FBXO4: variants seen among roughly 807,000 people sequenced by gnomAD.
FBXO4 encodes the protein F-box protein 4.
FBXO4 carries 36 observed loss-of-function variants against 43.7 expected under a neutral mutation model. The ratio of observed to expected loss-of-function variants is 0.82; its 90% confidence interval spans 0.63 to 1.09. The LOEUF (loss-of-function observed/expected upper bound fraction) is 1.09, where lower values mean the gene tolerates loss of function less well. Among genes scored for constraint, FBXO4 ranks in the 50% least tolerant of loss-of-function variants. The pLI, the probability that FBXO4 is intolerant of heterozygous loss-of-function variation, is 0.00. For missense variants in FBXO4, 435 were observed against 474.1 expected (o/e 0.92, Z 0.77); for synonymous variants, 180 against 165.6 (o/e 1.09, Z -0.67).
the FBXO4 span, among the ~76,000 whole-genome samples, chr5:41,999,481 A>ATATATATATATGTG: frequency 0.021 from 222 of 10,396 alleles, 4 homozygotes; most frequent in African/African-American, 0.04. Flanking sequence ...ATATATACAC[A>ATATATATATATGTG]TATATATATA....
chr5:41,931,124 G>T (rs1751675675), intron 3 of FBXO4, among the ~76,000 whole-genome samples: 1 of 152,196 alleles, frequency 6.6e-6, no homozygotes, highest in Non-Finnish European at 1.5e-5. Context: ...GATCAAGGTT[G>T]CATGTTAGAA....
the FBXO4 span, among the ~76,000 whole-genome samples, chr5:42,013,424 C>A: frequency 2.6e-5 from 4 of 152,086 alleles, no homozygotes; most frequent in Non-Finnish European, 4.4e-5. Context: ...ATTAAAGTAC[C>A]ACTCAAATGG....
the FBXO4 span, among the ~76,000 whole-genome samples, chr5:42,010,492 T>C: frequency 7.3e-5 from 11 of 150,118 alleles, no homozygotes; most frequent in African/African-American, 2.7e-4. Context: ...TGGGTGACAG[T>C]GTGAGCCTCC....
chr5:42,003,421 T>C, the FBXO4 span, among the ~76,000 whole-genome samples: 2 of 152,144 alleles, frequency 1.3e-5, no homozygotes, highest in African/African-American at 4.8e-5. Context: ...GAAGAGGAAT[T>C]GAATGTTGGC....
the FBXO4 span, among the ~76,000 whole-genome samples, chr5:42,036,350 G>T: frequency 1.3e-5 from 2 of 151,982 alleles, no homozygotes; most frequent in African/African-American, 4.8e-5. Flanking sequence ...AAAAAAAATG[G>T]CTTACATAGG....
the FBXO4 span, among the ~76,000 whole-genome samples, chr5:41,985,810 A>G: frequency 6.6e-6 from 1 of 152,118 alleles, no homozygotes; most frequent in Admixed American, 6.5e-5. Flanking sequence ...TGTAACTATT[A>G]ATGTTATTAT....
the FBXO4 span, among the ~76,000 whole-genome samples, chr5:42,000,356 G>A: frequency 6.6e-6 from 1 of 152,072 alleles, no homozygotes; most frequent in Non-Finnish European, 1.5e-5. Flanking sequence ...ACCTGCACAT[G>A]TACCCCTTGT....
chr5:42,018,558 T>C, the FBXO4 span, among the ~76,000 whole-genome samples: 1 of 152,248 alleles, frequency 6.6e-6, no homozygotes, highest in South Asian at 2.1e-4. Flanking sequence ...TTGTTTCAAG[T>C]TTCTGTTTTT....
chr5:41,964,757 G>T, the FBXO4 span, among the ~76,000 whole-genome samples: 1 of 151,898 alleles, frequency 6.6e-6, no homozygotes, highest in Non-Finnish European at 1.5e-5. Context: ...AAATTTGTTG[G>T]AGTTCATTGT....
downstream of FBXO4, among the ~76,000 whole-genome samples, chr5:41,942,164 A>T (rs1453880323): frequency 6.6e-6 from 1 of 152,086 alleles, no homozygotes; most frequent in Non-Finnish European, 1.5e-5. Flanking sequence ...AGTCTCTTTT[A>T]GGTCAGTGCT....
the FBXO4 span, among the ~76,000 whole-genome samples, chr5:42,020,375 CT>C: frequency 2.0e-5 from 3 of 151,974 alleles, no homozygotes; most frequent in African/African-American, 4.8e-5. Flanking sequence ...ACATAACAAA[CT>C]AGTAAAATTA....
chr5:41,984,053 A>C, the FBXO4 span, among the ~76,000 whole-genome samples: 2 of 152,086 alleles, frequency 1.3e-5, no homozygotes, highest in Non-Finnish European at 2.9e-5. Flanking sequence ...TAGTGAATAA[A>C]ACTATCTAGT....
At chr5:42,015,081 C>T in the FBXO4 span, among the ~76,000 whole-genome samples, 1 of 152,098 alleles carries the variant, frequency 6.6e-6, no homozygotes, top group East Asian at 1.9e-4. Context: ...GCTCCAAGTA[C>T]AGGCAATAAG....
chr5:41,949,721 G>A, the FBXO4 span, among the ~76,000 whole-genome samples: 8 of 152,066 alleles, frequency 5.3e-5, no homozygotes, highest in Non-Finnish European at 8.8e-5. Context: ...CTACTTTAAA[G>A]TTCATATGGA....
downstream of FBXO4, among the ~76,000 whole-genome samples, chr5:41,945,299 T>G (rs549922498): frequency 6.6e-5 from 10 of 152,350 alleles, no homozygotes; most frequent in South Asian, 1.9e-3. Context: ...GGTTGGAACA[T>G]AGTAGATGCT....
the FBXO4 span, among the ~76,000 whole-genome samples, chr5:41,979,697 G>A: frequency 6.6e-6 from 1 of 152,166 alleles, no homozygotes; most frequent in African/African-American, 2.4e-5. Flanking sequence ...CCCTGGCATG[G>A]CTAGGATGTG....
At chr5:41,929,341 CA>C (rs772557556) in intron 2 of FBXO4, among the ~76,000 whole-genome samples, 1 of 152,152 alleles carries the variant, frequency 6.6e-6, no homozygotes, top group Non-Finnish European at 1.5e-5. Flanking sequence ...CCAAATGTTC[CA>C]GGGGGGCAGG....
At chr5:41,947,368 T>C in the FBXO4 span, among the ~76,000 whole-genome samples, 1 of 152,218 alleles carries the variant, frequency 6.6e-6, no homozygotes, top group Admixed American at 6.5e-5. Flanking sequence ...GTGAGAAATA[T>C]ACCAGTATCC....
At chr5:42,016,187 C>A in the FBXO4 span, among the ~76,000 whole-genome samples, 1 of 152,118 alleles carries the variant, frequency 6.6e-6, no homozygotes, top group Non-Finnish European at 1.5e-5. Context: ...ATGCTCATCT[C>A]CAGGTATAGA....
Sources: allele counts gnomAD v4.1 joint callset (sites outside exome capture counted in the v4.1 genomes callset), GRCh38; gene constraint gnomAD v4.1.1; transcripts MANE v1.5; gene names NCBI Gene and HGNC (gene_info 2026-07-23, HGNC 2026-07-21).